SLC5A11: variants seen among roughly 807,000 people sequenced by gnomAD.
The protein encoded by SLC5A11 is sodium/myo-inositol cotransporter 2.
SLC5A11 carries 48 observed loss-of-function variants against 69.8 expected under a neutral mutation model. The ratio of observed to expected loss-of-function variants is 0.69; its 90% CI spans 0.55 to 0.87. The LOEUF (loss-of-function observed/expected upper bound fraction) is 0.87, where lower values mean the gene tolerates loss of function less well. Among genes scored for constraint, SLC5A11 ranks in the 40% least tolerant of loss-of-function variants. SLC5A11 has a pLI of 0.00. For synonymous variants in SLC5A11, 319 were observed against 342.4 expected (o/e 0.93, Z 0.75); for missense variants, 784 against 866.1 (o/e 0.91, Z 1.19).
intron 6 of SLC5A11, among the ~76,000 whole-genome samples, chr16:24,876,806 G>A (rs1270905326): frequency 6.6e-6 from 1 of 152,182 alleles, no homozygotes; most frequent in Admixed American, 6.6e-5. Context: ...TGAAATCTGG[G>A]AGGCCCAGGT....
At chr16:24,906,342 CAAA>C (rs753153658) in intron 10 of SLC5A11, among the ~76,000 whole-genome samples, 12 of 76,016 alleles carry the variant, frequency 1.6e-4, no homozygotes, top group Admixed American at 2.8e-4. Context: ...GGCTCCGTCT[CAAA>C]AAAAAAAAAA....
chr16:24,877,317 G>A, exon 7 of SLC5A11: 1 of 1,614,072 alleles, frequency 6.2e-7, no homozygotes, highest in South Asian at 1.1e-5. Context: ...ATCTGTACCT[G>A]GCCATAGTTG....
At chr16:24,910,996 C>T (rs2050475002) in intron 15 of SLC5A11, among the ~76,000 whole-genome samples, 1 of 151,756 alleles carries the variant, frequency 6.6e-6, no homozygotes, top group African/African-American at 2.4e-5. Flanking sequence ...TGGTGAAATC[C>T]TGTCTCTACT....
chr16:24,896,398 G>A (rs2049168951), intron 9 of SLC5A11, among the ~76,000 whole-genome samples: 1 of 151,788 alleles, frequency 6.6e-6, no homozygotes, highest in Admixed American at 6.6e-5. Flanking sequence ...GAAAGACTGA[G>A]GCAGGAGGAT....
At chr16:24,887,106 T>C (rs1010827860) in intron 8 of SLC5A11, among the ~76,000 whole-genome samples, 1 of 152,178 alleles carries the variant, frequency 6.6e-6, no homozygotes, top group African/African-American at 2.4e-5. Context: ...ATGGGAAAAG[T>C]TGTATCCTAA....
chr16:24,879,279 T>A (rs2047891233), intron 7 of SLC5A11, among the ~76,000 whole-genome samples: 1 of 152,116 alleles, frequency 6.6e-6, no homozygotes, highest in African/African-American at 2.4e-5. Context: ...TGCATGATGC[T>A]GAGGTCTGGG....
intron 3 of SLC5A11, 130 bp from the exon 5 acceptor site, chr16:24,869,771 A>C: frequency 1.6e-6 from 1 of 620,474 alleles, no homozygotes; most frequent in Non-Finnish European, 2.9e-6. Flanking sequence ...AAAATGCCAG[A>C]TAGGCTAGGG....
chr16:24,857,624 C>A (rs189413809), intron 1 of SLC5A11, among the ~76,000 whole-genome samples: 2 of 152,258 alleles, frequency 1.3e-5, no homozygotes, highest in African/African-American at 4.8e-5. Flanking sequence ...AATCTAACAA[C>A]GTTGAGTGAA....
chr16:24,862,087 T>C (rs2046606627), intron 2 of SLC5A11: 1 of 152,324 alleles, frequency 6.6e-6, no homozygotes, highest in South Asian at 2.1e-4. Flanking sequence ...AAGAAACAAA[T>C]TTCTGTTGTT....
intron 3 of SLC5A11, among the ~76,000 whole-genome samples, chr16:24,866,575 TA>T (rs34838038): frequency 0.18 from 23,162 of 125,816 alleles, 1,932 homozygotes; most frequent in Non-Finnish European, 0.22. Context: ...AGATCCTGTC[TA>T]AAAAAAAAAA....
At chr16:24,872,468 T>C (rs1304863870) in intron 5 of SLC5A11, among the ~76,000 whole-genome samples, 1 of 152,208 alleles carries the variant, frequency 6.6e-6, no homozygotes, top group African/African-American at 2.4e-5. Flanking sequence ...GGAAAAAATA[T>C]GGACCCCAAA....
intron 6 of SLC5A11, 80 bp from the exon 8 acceptor site, chr16:24,877,177 TC>T (rs2047729500): frequency 6.3e-7 from 1 of 1,577,238 alleles, no homozygotes; most frequent in Non-Finnish European, 8.6e-7. Flanking sequence ...TAGGCCCTGA[TC>T]CCAGGGAACC....
At chr16:24,871,302 G>A (rs1480497578) in intron 4 of SLC5A11, among the ~76,000 whole-genome samples, 3 of 151,958 alleles carry the variant, frequency 2.0e-5, no homozygotes, top group Non-Finnish European at 4.4e-5. Flanking sequence ...ACAGGGTCTC[G>A]CTCTGTCGCC....
At chr16:24,850,896 C>G (rs1596931491) in intron 1 of SLC5A11, among the ~76,000 whole-genome samples, 1 of 151,758 alleles carries the variant, frequency 6.6e-6, no homozygotes, top group Admixed American at 6.6e-5. Flanking sequence ...CTGCAACCTC[C>G]ACCTCCCAGG....
chr16:24,847,135 CTTTCTTTCTT>C (rs1239912235), intron 1 of SLC5A11, among the ~76,000 whole-genome samples: 13 of 151,278 alleles, frequency 8.6e-5, no homozygotes, highest in Admixed American at 2.6e-4. Context: ...TTCTTTTTCT[CTTTCTTTCTT>C]TTTCTTTCTT....
At chr16:24,908,076 C>T (rs771062363) in exon 13 of SLC5A11, 25 of 1,609,400 alleles carry the variant, frequency 1.6e-5, no homozygotes, top group Admixed American at 1.2e-4. Flanking sequence ...TACCTGCAGC[C>T]GCCTGTGGCG....
chr16:24,858,179 A>G (rs1274875060), intron 1 of SLC5A11, among the ~76,000 whole-genome samples: 2 of 152,180 alleles, frequency 1.3e-5, no homozygotes, highest in African/African-American at 4.8e-5. Context: ...ATTTCATGGT[A>G]TATGTAGCAT....
intron 8 of SLC5A11, among the ~76,000 whole-genome samples, chr16:24,889,543 A>AT (rs71156454): frequency 0.38 from 28,602 of 74,390 alleles, 8,919 homozygotes; most frequent in Non-Finnish European, 0.47. Flanking sequence ...AGGTCTTACA[A>AT]TTTTTTTTTT....
intron 14 of SLC5A11, 45 bp downstream of exon 15, chr16:24,909,141 A>C: frequency 6.3e-7 from 1 of 1,591,474 alleles, no homozygotes; most frequent in Non-Finnish European, 8.6e-7. Flanking sequence ...TTTTTGTTGG[A>C]AGTGACAGAA....
Sources: allele counts gnomAD v4.1 joint callset (sites outside exome capture counted in the v4.1 genomes callset), GRCh38; gene constraint gnomAD v4.1.1; transcripts MANE v1.5; gene names NCBI Gene and HGNC (gene_info 2026-07-23, HGNC 2026-07-21).